KIFC3: variants seen among roughly 807,000 people sequenced by gnomAD.
KIFC3 encodes kinesin-like protein KIFC3.
Under a neutral mutation model 101.8 loss-of-function variants are expected in KIFC3, and 60 were observed. That is an observed-to-expected ratio of 0.59 (90% CI 0.48 to 0.73). The LOEUF is 0.73. KIFC3 is among the 30% of genes least tolerant of loss of function. The pLI, the probability that KIFC3 is intolerant of heterozygous loss-of-function variation, is 0.00. For synonymous variants in KIFC3, 476 were observed against 482.7 expected, an observed-to-expected ratio of 0.99 and a Z score of 0.18; for missense variants, 966 against 1,137.1, an observed-to-expected ratio of 0.85 and a Z score of 2.16.
At chr16:57,773,002 G>A (rs1555609741) in intron 3 of KIFC3, among the ~76,000 whole-genome samples, 4 of 152,144 alleles carry the variant, frequency 2.6e-5, no homozygotes, top group Admixed American at 1.3e-4. Context: ...GATCCCAGGG[G>A]AGCAACCCTT....
chr16:57,780,969 C>T (rs1331353644), intron 3 of KIFC3, among the ~76,000 whole-genome samples: 6 of 152,130 alleles, frequency 3.9e-5, no homozygotes, highest in South Asian at 2.1e-4. Flanking sequence ...GCCACCACAC[C>T]TGGCCTGAAA....
In KIFC3 at chr16:57,837,045, C is replaced by G. The variant is rs117800088; in HGVS notation, c.108+25684G>C. 2.4e-3 allele frequency among the ~76,000 whole-genome samples: 371 copies of G among 152,206 alleles called. 13 individuals carry two copies. In the East Asian group the frequency reaches 0.056, roughly 23 times the overall value. On this transcript the variant is annotated intron_variant, in intron 1 of 2. Coordinates refer to the KIFC3 transcript ENST00000563028. The stretch of plus-strand genomic sequence containing the variant: ...GGAGGCTCTGCTAGTCATTAGAAAC[C>G]AGTGCATATAGTGTGTGTGTGTTTG...
intron 11 of KIFC3, 28 bp from the exon 12 acceptor site, chr16:57,764,275 T>TGGGGGGGGGGGGGGTGGGG: frequency 1.9e-6 from 1 of 539,924 alleles, no homozygotes; most frequent in Non-Finnish European, 3.5e-6. Flanking sequence ...GGGAGGCTGG[T>TGGGGGGGGGGGGGGTGGGG]GGGGGGGCTT....
intron 3 of KIFC3, among the ~76,000 whole-genome samples, chr16:57,786,567 G>A (rs1438237255): frequency 1.3e-5 from 2 of 152,116 alleles, no homozygotes; most frequent in Admixed American, 1.3e-4. Context: ...CTCCCCTCAG[G>A]GAGCACCAAA....
chr16:57,812,629 G>C lies in KIFC3; in HGVS notation c.109-14347C>G, dbSNP rs182285761. Among the ~76,000 whole-genome samples, 100 of 152,324 alleles carry C rather than the reference G, an allele frequency of 6.6e-4. 1 individual carries two copies. Among genetic ancestry groups the C allele is most frequent in the African/African-American group, 2.3e-3 (97 of 41,576 alleles). Reference sequence around the variant, plus strand: ...GTGTGGACCTGAAGGAATGTGGGGAGGGTGGCAAGAAAACGGCTGGAGGTG... The same window carrying C: ...GTGTGGACCTGAAGGAATGTGGGGACGGTGGCAAGAAAACGGCTGGAGGTG... On this transcript the variant is annotated intron_variant, in intron 1 of 2. Coordinates refer to the KIFC3 transcript ENST00000563028.
At chr16:57,822,931 A>G (rs1410571570) in intron 1 of KIFC3, among the ~76,000 whole-genome samples, 1 of 143,378 alleles carries the variant, frequency 7.0e-6, no homozygotes, top group Admixed American at 7.1e-5. Context: ...TATATTGGTT[A>G]TGTAAACCAA....
intron 10 of KIFC3, among the ~76,000 whole-genome samples, chr16:57,766,558 A>T (rs2050509075): frequency 6.6e-6 from 1 of 152,102 alleles, no homozygotes; most frequent in African/African-American, 2.4e-5. Context: ...AGGTCAGAAT[A>T]AGCGGCTTTC....
chr16:57,761,681 C>T, intron 13 of KIFC3, 145 bp from the exon 14 acceptor site: 2 of 852,256 alleles, frequency 2.3e-6, no homozygotes, highest in Non-Finnish European at 3.7e-6. Flanking sequence ...TCCTCCAGCT[C>T]CTCCACCGCA....
intron 1 of KIFC3, among the ~76,000 whole-genome samples, chr16:57,854,708 G>A (rs2056128772): frequency 1.3e-5 from 2 of 151,636 alleles, no homozygotes; most frequent in African/African-American, 4.8e-5. Context: ...GGATCTAACT[G>A]ACATTCCTGG....
chr16:57,853,600 A>T (rs2056103071), intron 1 of KIFC3, among the ~76,000 whole-genome samples: 1 of 152,014 alleles, frequency 6.6e-6, no homozygotes, highest in South Asian at 2.1e-4. Flanking sequence ...AACTAAAAGA[A>T]TTTTTTAATT....
At chr16:57,818,007 T>TTTCG (rs1267619496) in intron 1 of KIFC3, among the ~76,000 whole-genome samples, 1 of 151,176 alleles carries the variant, frequency 6.6e-6, no homozygotes, top group Non-Finnish European at 1.5e-5. Context: ...TCACATTTTC[T>TTTCG]TTCTTTCTTT....
At chr16:57,775,730 G>T (rs1345721040) in intron 3 of KIFC3, 1 of 985,438 alleles carries the variant, frequency 1.0e-6, no homozygotes, top group African/African-American at 1.7e-5. Flanking sequence ...GCCACAAAGG[G>T]GCAGCAGGCA....
intron 1 of KIFC3, among the ~76,000 whole-genome samples, chr16:57,818,684 A>G (rs1455594953): frequency 6.6e-6 from 1 of 152,102 alleles, no homozygotes; most frequent in African/African-American, 2.4e-5. Flanking sequence ...TTTGACCCCC[A>G]GATCCAGTAT....
At position 57,784,322 on chromosome 16, in the gene KIFC3, A is replaced by G. The variant is rs140285795; in HGVS notation, c.315+10677T>C. 3.7e-3 allele frequency among the ~76,000 whole-genome samples: 568 copies of G among 152,324 alleles called. 3 individuals are homozygous for G. The highest frequency in any genetic ancestry group is 6.1e-3 in the Non-Finnish European group (414 of 68,018). On this transcript the variant is annotated intron_variant, in intron 3 of 19. Transcript: ENST00000445690. ...GGCCCAGATAGTCAAGCTGTGGGGT[A>G]AGTGTGTAAGAGGAAGACACAAAGC...
Position 57,821,550 on chromosome 16 carries a change from C to T in KIFC3, c.109-23268G>A, listed in dbSNP as rs8045992. On this transcript the variant is annotated intron_variant, in intron 1 of 2. Coordinates refer to the KIFC3 transcript ENST00000563028. ...AAAGGTGAACTTTCATCCTACAATC[C>T]TCTGTGCCCATTTGCTGGCAATCTT... 8.2e-3 allele frequency among the ~76,000 whole-genome samples: 1,241 copies of T among 152,256 alleles called. 10 individuals carry two copies. The highest frequency in any genetic ancestry group is 0.028 in the African/African-American group (1,163 of 41,546).
chr16:57,832,314 C>T lies in KIFC3; in HGVS notation c.108+30415G>A, dbSNP rs183578377. Among the ~76,000 whole-genome samples the T allele has an allele frequency of 3.4e-3, 494 of 143,974 alleles. 17 individuals are homozygous for T. The East Asian group carries it at 0.085, about 25-fold the overall frequency. 94.5% of individuals were successfully genotyped at this position (143,974 alleles called of 152,430 possible). ...GGGATTACAGCCATGAGCCACGGCG[C>T]CAGGCCCTTTTTTTTTTTTTTTTTT... is the stretch of plus-strand genomic sequence containing the variant. On this transcript the variant is annotated intron_variant, in intron 1 of 2. Coordinates refer to the KIFC3 transcript ENST00000563028.
At position 57,778,412 on chromosome 16, in the gene KIFC3, C is replaced by T. The variant is rs1416021186; in HGVS notation, c.316-6124G>A. 3.3e-5 allele frequency among the ~76,000 whole-genome samples: 5 copies of T among 152,138 alleles called. No individual in the cohort carries two copies. In the East Asian group the frequency reaches 5.8e-4, roughly 18 times the overall value. On this transcript the variant is annotated intron_variant, in intron 3 of 19. Coordinates refer to ENST00000445690, the MANE Select transcript of KIFC3 (RefSeq NM_001130100.2). The stretch of plus-strand genomic sequence containing the variant: ...CTTCTTGGATATAACACCAAAAGCA[C>T]AGGCAATAAAAGAAAAAATAGGTAA...
chr16:57,765,408 A>C, intron 11 of KIFC3, 51 bp downstream of exon 11: 1 of 1,519,654 alleles, frequency 6.6e-7, no homozygotes. Context: ...CTGTGAGTCC[A>C]TCTTTCCCTC....
intron 1 of KIFC3, among the ~76,000 whole-genome samples, chr16:57,809,370 A>G (rs782583991): frequency 6.6e-6 from 1 of 152,196 alleles, no homozygotes; most frequent in African/African-American, 2.4e-5. Context: ...ATCAGAGCTC[A>G]CTGCAGCCTT....
Sources: gnomAD v4.1 joint callset for allele counts (sites outside exome capture counted in the v4.1 genomes callset) on GRCh38, gnomAD v4.1.1 for gene constraint, MANE v1.5 for transcripts, NCBI Gene and HGNC (gene_info 2026-07-23, HGNC 2026-07-21) for gene names.